CPS1: variants seen among roughly 807,000 people sequenced by gnomAD.
CPS1 encodes carbamoyl-phosphate synthase 1.
Under a neutral mutation model 174.6 loss-of-function variants are expected in CPS1, and 109 were observed. That is an observed-to-expected ratio of 0.62 (90% confidence interval 0.53 to 0.73). The LOEUF is 0.73. Among genes scored for constraint, CPS1 ranks in the 30% least tolerant of loss-of-function variants. The probability of loss-of-function intolerance (pLI) is 0.00; values close to 1 mark genes in which losing one functional copy is unlikely to be tolerated. For synonymous variants in CPS1, 637 were observed against 632.0 expected (o/e 1.01, Z -0.12); for missense variants, 1,689 against 1,821.9 (o/e 0.93, Z 1.33).
At chr2:210,578,299 G>A (rs1282788218) in intron 4 of CPS1, among the ~76,000 whole-genome samples, 1 of 151,874 alleles carries the variant, frequency 6.6e-6, no homozygotes, top group Non-Finnish European at 1.5e-5. Flanking sequence ...TAGTAGAGAC[G>A]GGGTTTCACC....
At chr2:210,579,635 G>C (rs770215991) in intron 4 of CPS1, 79 bp from the exon 5 acceptor site, 5 of 1,129,390 alleles carry the variant, frequency 4.4e-6, no homozygotes, top group Non-Finnish European at 6.8e-6. Context: ...GATAGATGAG[G>C]CCAAGTTTGT....
intron 21 of CPS1, among the ~76,000 whole-genome samples, chr2:210,634,595 G>C (rs538640841): frequency 6.6e-6 from 1 of 151,994 alleles, no homozygotes; most frequent in Non-Finnish European, 1.5e-5. Flanking sequence ...TGGCAGCTGG[G>C]GTCCCCTGCC....
chr2:210,594,725 T>G, intron 12 of CPS1, 119 bp downstream of exon 12: 5 of 735,504 alleles, frequency 6.8e-6, no homozygotes, highest in East Asian at 2.7e-5. Context: ...ACTGGTAATA[T>G]TGTAATAGAC....
At chr2:210,478,743 T>G (rs946798060) in intron 1 of CPS1, among the ~76,000 whole-genome samples, 1 of 152,208 alleles carries the variant, frequency 6.6e-6, no homozygotes, top group Non-Finnish European at 1.5e-5. Flanking sequence ...TTTTTACCTC[T>G]TATATTTAAG....
At position 210,600,549 on chromosome 2, in the gene CPS1, C is replaced by G; in HGVS notation, c.1550-6C>G. 6.2e-7 allele frequency: 1 copy of G among 1,611,668 alleles called. No individual in the cohort carries two copies. The highest frequency in any genetic ancestry group is 2.2e-5 in the East Asian group (1 of 44,728). On this transcript the variant is annotated splice_polypyrimidine_tract_variant and splice_region_variant and intron_variant, in intron 14 of 37. Coordinates refer to ENST00000233072, the MANE Select transcript of CPS1 (RefSeq NM_001875.5). ...TAAAAACTAATCCTATTTGGTTCTTCTTTAGGAGTGGAACTATTCAAGAGA... is the reference window on the plus strand; with the variant it reads ...TAAAAACTAATCCTATTTGGTTCTTGTTTAGGAGTGGAACTATTCAAGAGA...
In CPS1 at chr2:210,591,813, T is replaced by A; in HGVS notation, c.948-18T>A. 1 of 1,611,118 alleles carries A rather than the reference T, an allele frequency of 6.2e-7. No individual in the cohort carries two copies. The highest frequency in any genetic ancestry group is 2.2e-5 in the East Asian group (1 of 44,818). Reference sequence around the variant, plus strand: ...TCACTTTTCCTTTTCCCTATTCTTTTTCTCCTTTTCTCTCCAGAGGGCAGA... The same window carrying A: ...TCACTTTTCCTTTTCCCTATTCTTTATCTCCTTTTCTCTCCAGAGGGCAGA... On this transcript the variant is annotated intron_variant, in intron 9 of 37. Transcript: ENST00000233072.
intron 34 of CPS1, chr2:210,674,395 C>T (rs1196615679): frequency 6.5e-6 from 1 of 154,016 alleles, no homozygotes; most frequent in African/African-American, 2.4e-5. Flanking sequence ...ATCGCTTGAA[C>T]CCAGAAGGCA....
At chr2:210,594,484 C>T (rs1188426126) in intron 11 of CPS1, 24 bp from the exon 12 acceptor site, 1 of 1,520,896 alleles carries the variant, frequency 6.6e-7, no homozygotes, top group African/African-American at 1.4e-5. Context: ...AAGCTTCTAA[C>T]TAGTTGGTTG....
intron 29 of CPS1, among the ~76,000 whole-genome samples, chr2:210,654,891 A>G (rs1365944274): frequency 1.3e-5 from 2 of 152,176 alleles, no homozygotes; most frequent in Non-Finnish European, 2.9e-5. Flanking sequence ...TGGTAATGGT[A>G]TCTACTTACA....
chr2:210,648,679 G>C, intron 27 of CPS1, 139 bp downstream of exon 27: 1 of 772,906 alleles, frequency 1.3e-6, no homozygotes, highest in Non-Finnish European at 2.3e-6. Context: ...ATCACAGCCA[G>C]TTTAAGGACC....
intron 2 of CPS1, among the ~76,000 whole-genome samples, chr2:210,573,846 A>G (rs1574540829): frequency 6.6e-6 from 1 of 152,216 alleles, no homozygotes; most frequent in East Asian, 1.9e-4. Flanking sequence ...AGAAGATTAG[A>G]AAGTCCTTGG....
At chr2:210,671,692 A>T (rs913821061) in intron 34 of CPS1, 3 of 152,164 alleles carry the variant, frequency 2.0e-5, no homozygotes, top group African/African-American at 7.2e-5. Flanking sequence ...GAAGTTTATA[A>T]TGTGCCTATG....
intron 1 of CPS1, among the ~76,000 whole-genome samples, chr2:210,488,073 A>G (rs565308425): frequency 6.6e-6 from 1 of 152,314 alleles, no homozygotes; most frequent in African/African-American, 2.4e-5. Flanking sequence ...TTTGAGACTA[A>G]TTGAATCTGC....
intron 1 of CPS1, among the ~76,000 whole-genome samples, chr2:210,568,972 T>G (rs931837566): frequency 6.6e-6 from 1 of 152,048 alleles, no homozygotes; most frequent in Non-Finnish European, 1.5e-5. Context: ...TTTTTTCTAC[T>G]ATAACTTTTC....
At chr2:210,547,026 C>A (rs1357666317) in intron 1 of CPS1, among the ~76,000 whole-genome samples, 2 of 152,092 alleles carry the variant, frequency 1.3e-5, no homozygotes, top group African/African-American at 4.8e-5. Context: ...TGGCCCTGGT[C>A]CCTGCCAGGA....
rs562450192 is a variant in CPS1 at position 210,589,492 on chromosome 2, A to T, written c.712-614A>T. Among the ~76,000 whole-genome samples, 6 of 152,164 alleles carry T rather than the reference A, an allele frequency of 3.9e-5. No individual in the cohort carries two copies. In the South Asian group the frequency reaches 1.2e-3, roughly 32 times the overall value. On this transcript the variant is annotated intron_variant, in intron 7 of 37. Transcript: ENST00000233072. ...AAAAAGGTCTGACGTGGGCCAACTT[A>T]ACATTTTCAGAAAATGGATTTATAT...
At chr2:210,668,063 C>A in intron 33 of CPS1, 123 bp from the exon 34 acceptor site, 1 of 685,722 alleles carries the variant, frequency 1.5e-6, no homozygotes, top group Non-Finnish European at 2.5e-6. Flanking sequence ...AAGTACTTTC[C>A]ATTTGTGCGT....
intron 20 of CPS1, among the ~76,000 whole-genome samples, chr2:210,614,446 C>T (rs1482097427): frequency 6.6e-6 from 1 of 151,932 alleles, no homozygotes; most frequent in East Asian, 1.9e-4. Flanking sequence ...AATGGTATTT[C>T]TGGATCTAGA....
intron 6 of CPS1, among the ~76,000 whole-genome samples, chr2:210,587,072 ATT>A (rs71044000): frequency 1.3e-5 from 2 of 151,338 alleles, no homozygotes; most frequent in Admixed American, 6.6e-5. Context: ...GGATTAGGGT[ATT>A]TTTTTTTCCT....
Sources: allele counts gnomAD v4.1 joint callset (sites outside exome capture counted in the v4.1 genomes callset), GRCh38; gene constraint gnomAD v4.1.1; transcripts MANE v1.5; gene names NCBI Gene and HGNC (gene_info 2026-07-23, HGNC 2026-07-21).